Variants in NRBP1 observed in about 807,000 individuals in gnomAD.
NRBP1 encodes nuclear receptor-binding protein.
A neutral mutation model predicts 76.0 loss-of-function variants in NRBP1; 10 were observed. The ratio of observed to expected loss-of-function variants is 0.13; its 90% CI spans 0.08 to 0.22. NRBP1 has a LOEUF of 0.22. Ranked by LOEUF, NRBP1 falls within the 10% of genes least tolerant of loss-of-function variation. The pLI is 1.00. For synonymous variants in NRBP1, 235 were observed against 240.2 expected, an observed-to-expected ratio of 0.98 and a Z score of 0.20; for missense variants, 344 against 646.0, an observed-to-expected ratio of 0.53 and a Z score of 5.07.
At chr2:27,427,896 C>T (rs1031667031), upstream of NRBP1, 16 of 152,230 alleles carry the variant, frequency 1.1e-4, no homozygotes, top group Admixed American at 6.5e-5. Context: ...TTTCCACTAA[C>T]TCGAAACCAA....
upstream of NRBP1, chr2:27,428,566 A>G (rs1321575078): frequency 5.0e-6 from 2 of 396,490 alleles, no homozygotes; most frequent in East Asian, 7.1e-5. Context: ...CCCAATGGAA[A>G]CCTGCCGGCG....
In NRBP1 at chr2:27,428,700, G is replaced by C. The variant is rs1663967040; in HGVS notation, c.-52G>C. The stretch of plus-strand genomic sequence containing the variant: ...GGGCCCCGGAACCCGAGCTGGAGCT[G>C]AAGCGCAGGCTGCGGGGCGCGGAGT... On this transcript the variant is annotated 5_prime_UTR_variant, in exon 1 of 18. Transcript: ENST00000379852. 7.5e-6 allele frequency: 3 copies of C among 398,164 alleles called. No homozygotes were observed. The East Asian group carries it at 1.1e-4, about 14-fold the overall frequency. The allele number at this position is 398,164 out of a possible 1,614,324, so 24.7% of individuals were successfully genotyped here. A position where few individuals can be genotyped will look rare whatever the true frequency, so the allele number is the denominator to read the frequency against.
chr2:27,434,724 A>G lies in NRBP1; in HGVS notation c.528A>G (p.Ala176=), dbSNP rs1353437300. 1.9e-6 allele frequency: 3 copies of G among 1,614,194 alleles called. No individual in the cohort carries two copies. The highest frequency in any genetic ancestry group is 1.6e-4 in the Middle Eastern group (1 of 6,062). Residue 176 remains alanine (A), a splice_region_variant and synonymous_variant, in exon 6 of 18, where the codon GCA becomes GCG. Coordinates refer to ENST00000379852, the MANE Select transcript of NRBP1 (RefSeq NM_013392.4). ...KKNHKTMNEK[A]WKRWCTQILS... is the part of the protein sequence containing the mutation. ...CCTTGGATCCAACTTTGTTCCAGGCATGGAAGCGTTGGTGCACACAAATCC... is the reference window on the plus strand; with the variant it reads ...CCTTGGATCCAACTTTGTTCCAGGCGTGGAAGCGTTGGTGCACACAAATCC...
In NRBP1 at chr2:27,433,262, G is replaced by C. The variant is rs758822371; in HGVS notation, c.-12G>C. 4 of 1,611,480 alleles carry C rather than the reference G, an allele frequency of 2.5e-6. No individual in the cohort carries two copies. The highest frequency in any genetic ancestry group is 3.4e-6 in the Non-Finnish European group (4 of 1,178,256). On this transcript the variant is annotated 5_prime_UTR_variant, in exon 2 of 18. Transcript: ENST00000379852. ...TGCCCCAACCAGTGCAGGCCTGAGT[G>C]TTCCTTCCAGCATGTCGGAGGGGGA...
intron 10 of NRBP1, among the ~76,000 whole-genome samples, chr2:27,438,271 C>T (rs1572693111): frequency 6.6e-6 from 1 of 152,020 alleles, no homozygotes; most frequent in Non-Finnish European, 1.5e-5. Context: ...TACTCTCAGA[C>T]AGCCATTTTT....
intron 7 of NRBP1, chr2:27,435,667 C>T (rs1445374664): frequency 1.4e-6 from 1 of 717,522 alleles, no homozygotes; most frequent in African/African-American, 1.7e-5. Context: ...CTCCATCGCT[C>T]ACAACTTTTC....
intron 1 of NRBP1, among the ~76,000 whole-genome samples, chr2:27,429,532 G>C (rs1664020367): frequency 6.6e-6 from 1 of 151,994 alleles, no homozygotes; most frequent in African/African-American, 2.4e-5. Context: ...GAGGCGGCGA[G>C]AATCCCCTTA....
chr2:27,441,353 A>G (rs1209222281), intron 16 of NRBP1, 23 bp downstream of exon 16: 2 of 1,602,908 alleles, frequency 1.2e-6, no homozygotes, highest in East Asian at 4.5e-5. Context: ...TTTCCCTCAG[A>G]GGATGGAGAG....
chr2:27,440,346 CTTT>C, intron 11 of NRBP1, 54 bp from the exon 12 acceptor site: 7 of 1,230,060 alleles, frequency 5.7e-6, no homozygotes, highest in Non-Finnish European at 8.4e-6. Flanking sequence ...TGCATGCCTT[CTTT>C]GACATTTAAT....
rs371036113 is a variant in NRBP1 at position 27,441,548 on chromosome 2, C to T, written c.1448-19C>T. 6.2e-6 allele frequency: 10 copies of T among 1,613,870 alleles called. No homozygotes were observed. The highest frequency in any genetic ancestry group is 8.5e-6 in the Non-Finnish European group (10 of 1,179,906). On this transcript the variant is annotated intron_variant, in intron 16 of 17. Coordinates refer to ENST00000379852, the MANE Select transcript of NRBP1 (RefSeq NM_013392.4). The stretch of plus-strand genomic sequence containing the variant: ...CCTCAGTCCCGTACTGTACTCACCC[C>T]CTCCTGTTTCTTTGTCAGATGAGAA...
intron 11 of NRBP1, 150 bp downstream of exon 11, chr2:27,440,048 C>G (rs1175891561): frequency 8.5e-6 from 6 of 705,196 alleles, no homozygotes; most frequent in Non-Finnish European, 1.3e-5. Flanking sequence ...GAGTCTCACT[C>G]TCTCTCAGGC....
chr2:27,441,025 G>T (rs1369057524), intron 14 of NRBP1, 85 bp downstream of exon 14: 5 of 1,608,652 alleles, frequency 3.1e-6, no homozygotes, highest in Non-Finnish European at 3.4e-6. Context: ...ATCCTTTAGA[G>T]AAAATGCTCC....
At chr2:27,438,455 C>T (rs898511026) in intron 10 of NRBP1, among the ~76,000 whole-genome samples, 6 of 152,242 alleles carry the variant, frequency 3.9e-5, no homozygotes, top group African/African-American at 1.4e-4. Flanking sequence ...AAGGTCCAAA[C>T]AAGAACAGTT....
intron 7 of NRBP1, chr2:27,435,581 T>C (rs1664273492): frequency 1.9e-5 from 13 of 694,034 alleles, no homozygotes; most frequent in South Asian, 1.1e-4. Context: ...TTGCTGTGTA[T>C]TGTATGCAGT....
At chr2:27,430,030 A>C (rs533145251) in intron 1 of NRBP1, among the ~76,000 whole-genome samples, 1 of 152,240 alleles carries the variant, frequency 6.6e-6, no homozygotes, top group Non-Finnish European at 1.5e-5. Flanking sequence ...GATCTCTAAC[A>C]GAAGTTTTCT....
At chr2:27,430,354 T>C (rs1664055920) in intron 1 of NRBP1, among the ~76,000 whole-genome samples, 1 of 152,134 alleles carries the variant, frequency 6.6e-6, no homozygotes, top group South Asian at 2.1e-4. Flanking sequence ...CAGAGAGTTC[T>C]AAAAATAAAT....
chr2:27,436,916 A>C, intron 8 of NRBP1, 80 bp downstream of exon 8: 1 of 1,476,244 alleles, frequency 6.8e-7, no homozygotes. Flanking sequence ...AGGCAATATA[A>C]CTGAAACTTC....
At position 27,434,736 on chromosome 2, in the gene NRBP1, G is replaced by A; in HGVS notation, c.540G>A (p.Trp180Ter). 1 of 1,614,154 alleles carries A rather than the reference G, an allele frequency of 6.2e-7. No individual in the cohort carries two copies. The highest frequency in any genetic ancestry group is 8.5e-7 in the Non-Finnish European group (1 of 1,180,028). Reference sequence around the variant, plus strand: ...CTTTGTTCCAGGCATGGAAGCGTTGGTGCACACAAATCCTCTCTGCCCTAA... The same window carrying A: ...CTTTGTTCCAGGCATGGAAGCGTTGATGCACACAAATCCTCTCTGCCCTAA... ...KTMNEKAWKR[W>*]CTQILSALSY... The change falls in exon 6 of 18, where the codon TGG (tryptophan) becomes TGA (stop). Residue 180 changes from tryptophan to a stop codon, truncating the protein, a stop_gained. Transcript: ENST00000379852. LOFTEE classifies it high-confidence loss of function.
In NRBP1 at chr2:27,442,063, G is replaced by A. The variant is rs1664604482; in HGVS notation, c.*251G>A. 1 of 536,310 alleles carries A rather than the reference G, an allele frequency of 1.9e-6. No homozygotes were observed. Among genetic ancestry groups the A allele is most frequent in the Admixed American group, 3.7e-5 (1 of 27,238 alleles). The allele number at this position is 536,310 out of a possible 1,614,324, so 33.2% of individuals were successfully genotyped here. ...CCTTCTCAGCAGCCGCCTTCTAGTT[G>A]GGGGCTAGTCGCTGATCTGCCGGCT... On this transcript the variant is annotated 3_prime_UTR_variant, in exon 18 of 18. Transcript: ENST00000379852.
Sources: allele counts gnomAD v4.1 joint callset (sites outside exome capture counted in the v4.1 genomes callset), GRCh38; gene constraint gnomAD v4.1.1; transcripts MANE v1.5; gene names NCBI Gene and HGNC (gene_info 2026-07-23, HGNC 2026-07-21).